Variants in WDR72 observed in about 807,000 individuals in gnomAD.
WDR72 encodes WD repeat-containing protein 72.
In WDR72, 120 loss-of-function variants were observed where a neutral mutation model predicts 124.2. The observed-to-expected ratio is 0.97, with a 90% CI of 0.83 to 1.12. The LOEUF (loss-of-function observed/expected upper bound fraction) is 1.12. Among genes scored for constraint, WDR72 ranks in the 50% most tolerant of loss-of-function variants. The pLI, the probability that WDR72 is intolerant of heterozygous loss-of-function variation, is 0.00. For synonymous variants in WDR72, 452 were observed against 441.7 expected (o/e 1.02, Z -0.29); for missense variants, 1,387 against 1,278.8 (o/e 1.08, Z -1.29).
At chr15:53,603,717 G>A (rs1052051365) in intron 17 of WDR72, among the ~76,000 whole-genome samples, 5 of 151,976 alleles carry the variant, frequency 3.3e-5, no homozygotes, top group Admixed American at 2.6e-4. Context: ...AATCACAAAC[G>A]AACTCCCATT....
At chr15:53,695,286 C>A (rs1213010550) in intron 13 of WDR72, among the ~76,000 whole-genome samples, 1 of 152,146 alleles carries the variant, frequency 6.6e-6, no homozygotes. Flanking sequence ...CTATGTAAAT[C>A]CACTACTGTG....
At chr15:53,715,087 A>G in intron 5 of WDR72, 106 bp downstream of exon 5, 1 of 1,271,772 alleles carries the variant, frequency 7.9e-7, no homozygotes. Context: ...AGGTAAGCAT[A>G]AAGAAGCATT....
At position 53,517,726 on chromosome 15, in the gene WDR72, T is replaced by C. The variant is rs1272899838; in HGVS notation, c.3282A>G (p.Ala1094=). Residue 1094 remains alanine, a synonymous_variant, in exon 20 of 20, where the codon GCA becomes GCG. Coordinates refer to ENST00000360509, the MANE Select transcript of WDR72 (RefSeq NM_182758.4). The part of the protein sequence containing the change: ...PGEPRHHSWI[A]KVCPCKVS ...AAGACACCTTGCAGGGGCAGACCTT[T>C]GCTATCCATGAATGATGCCTTGGCT... 6 of 1,612,980 alleles carry C rather than the reference T, an allele frequency of 3.7e-6. No individual in the cohort carries two copies. Among genetic ancestry groups the C allele is most frequent in the Middle Eastern group, 1.7e-4 (1 of 6,056 alleles).
chr15:53,518,548 C>G (rs575849240), intron 19 of WDR72, among the ~76,000 whole-genome samples: 1 of 151,238 alleles, frequency 6.6e-6, no homozygotes, highest in African/African-American at 2.4e-5. Context: ...GTGCTTATAT[C>G]TTCCTACTGG....
At chr15:53,640,932 G>A (rs1249425061) in intron 14 of WDR72, among the ~76,000 whole-genome samples, 1 of 151,466 alleles carries the variant, frequency 6.6e-6, no homozygotes, top group Non-Finnish European at 1.5e-5. Context: ...TTTCAAGTCT[G>A]TTATAAGGTT....
chr15:53,730,699 T>C (rs1201594263), intron 2 of WDR72, among the ~76,000 whole-genome samples: 4 of 152,186 alleles, frequency 2.6e-5, no homozygotes, highest in Non-Finnish European at 4.4e-5. Flanking sequence ...CAGTCAACCA[T>C]GTAGTTACAT....
At chr15:53,724,164 T>A (rs1268593966) in intron 2 of WDR72, among the ~76,000 whole-genome samples, 1 of 152,110 alleles carries the variant, frequency 6.6e-6, no homozygotes, top group Non-Finnish European at 1.5e-5. Flanking sequence ...GAGGGAAGAA[T>A]GAAGTAATGT....
chr15:53,712,953 A>G (rs898415547), intron 6 of WDR72, 62 bp from the exon 7 acceptor site: 41 of 1,582,684 alleles, frequency 2.6e-5, no homozygotes, highest in African/African-American at 8.1e-5. Flanking sequence ...AGCCATGAGA[A>G]GACCTGCTTC....
upstream of WDR72, among the ~76,000 whole-genome samples, chr15:53,761,071 C>T (rs546518194): frequency 6.4e-4 from 98 of 152,238 alleles, no homozygotes; most frequent in African/African-American, 2.3e-3. Context: ...CTGCAGTGAG[C>T]TGAGATCACA....
At chr15:53,736,391 T>C (rs1443504921) in intron 1 of WDR72, among the ~76,000 whole-genome samples, 2 of 152,094 alleles carry the variant, frequency 1.3e-5, no homozygotes, top group Admixed American at 6.6e-5. Context: ...GAGTAATGTA[T>C]ACAGGGCTGT....
intron 14 of WDR72, among the ~76,000 whole-genome samples, chr15:53,638,417 G>T (rs2140406462): frequency 6.6e-6 from 1 of 152,176 alleles, no homozygotes; most frequent in South Asian, 2.1e-4. Context: ...AACGACACAA[G>T]AAAGAACAAT....
intron 14 of WDR72, among the ~76,000 whole-genome samples, chr15:53,618,883 C>A (rs188711107): frequency 1.3e-5 from 2 of 152,144 alleles, no homozygotes; most frequent in Admixed American, 1.3e-4. Flanking sequence ...CAGGTATTTG[C>A]CAAAGGCTGT....
chr15:53,627,715 C>T (rs1159417797), intron 14 of WDR72, among the ~76,000 whole-genome samples: 1 of 151,244 alleles, frequency 6.6e-6, no homozygotes, highest in Non-Finnish European at 1.5e-5. Flanking sequence ...TAAAGGATGA[C>T]ATATTGTGAA....
chr15:53,516,153 TA>T lies in WDR72; in HGVS notation c.*1545del. On this transcript the variant is annotated 3_prime_UTR_variant, in exon 20 of 20. Coordinates refer to ENST00000360509, the MANE Select transcript of WDR72 (RefSeq NM_182758.4). ...TCAAAGGATAATAATTTTCCATGAT[TA>T]TTCATATTAATGCTATGTTAGTTTC... is the stretch of plus-strand genomic sequence containing the variant. 1 of 152,290 alleles carries T rather than the reference TA, an allele frequency of 6.6e-6. No individual in the cohort carries two copies. Among genetic ancestry groups the T allele is most frequent in the South Asian group, 2.1e-4 (1 of 4,830 alleles). The allele number at this position is 152,290 out of a possible 1,614,324, so 9.4% of individuals were successfully genotyped here.
chr15:53,526,885 C>G (rs1205175548), intron 18 of WDR72, among the ~76,000 whole-genome samples: 1 of 152,018 alleles, frequency 6.6e-6, no homozygotes, highest in Non-Finnish European at 1.5e-5. Context: ...AAGGCAAACT[C>G]TTCTTGACAG....
At chr15:53,637,726 C>T (rs1001236666) in intron 14 of WDR72, among the ~76,000 whole-genome samples, 1 of 152,106 alleles carries the variant, frequency 6.6e-6, no homozygotes, top group Non-Finnish European at 1.5e-5. Context: ...CAAATCCTAC[C>T]TCCTTTAATG....
chr15:53,526,383 G>C (rs926080924), intron 18 of WDR72, among the ~76,000 whole-genome samples: 6 of 152,086 alleles, frequency 3.9e-5, no homozygotes, highest in Non-Finnish European at 7.4e-5. Context: ...AAAGAAAAGG[G>C]TGTGAACCTA....
intron 18 of WDR72, among the ~76,000 whole-genome samples, chr15:53,596,072 TGACTC>T (rs1376828699): frequency 6.6e-6 from 1 of 152,130 alleles, no homozygotes; most frequent in Non-Finnish European, 1.5e-5. Context: ...TTTCCAAGAA[TGACTC>T]CTGTTTTAAG....
upstream of WDR72, among the ~76,000 whole-genome samples, chr15:53,760,415 A>G (rs531418807): frequency 8.6e-5 from 13 of 151,334 alleles, no homozygotes; most frequent in African/African-American, 1.7e-4. Flanking sequence ...TCCCACAGAT[A>G]AGTGGGAACA....
Sources: allele counts gnomAD v4.1 joint callset (sites outside exome capture counted in the v4.1 genomes callset), GRCh38; gene constraint gnomAD v4.1.1; transcripts MANE v1.5; gene names NCBI Gene and HGNC (gene_info 2026-07-23, HGNC 2026-07-21).